SDC2: variants seen among roughly 807,000 people sequenced by gnomAD.
SDC2 encodes syndecan 2.
In SDC2, 13 loss-of-function variants were observed where a neutral mutation model predicts 22.2. The ratio of observed to expected loss-of-function variants is 0.59; its 90% CI spans 0.38 to 0.93. The LOEUF (loss-of-function observed/expected upper bound fraction) is 0.93. Ranked by LOEUF, SDC2 falls within the 40% of genes least tolerant of loss-of-function variation. The pLI, the probability that SDC2 is intolerant of heterozygous loss-of-function variation, is 0.00. For synonymous variants in SDC2, 94 were observed against 92.8 expected (o/e 1.01, Z -0.07); for missense variants, 235 against 246.8 (o/e 0.95, Z 0.32).
chr8:96,559,457 T>C (rs1213001996), intron 1 of SDC2, among the ~76,000 whole-genome samples: 1 of 152,196 alleles, frequency 6.6e-6, no homozygotes, highest in Non-Finnish European at 1.5e-5. Context: ...AGGAAATCAC[T>C]GCAGATTTCT....
At chr8:96,523,948 C>T (rs1250309191) in intron 1 of SDC2, among the ~76,000 whole-genome samples, 1 of 152,096 alleles carries the variant, frequency 6.6e-6, no homozygotes, top group Non-Finnish European at 1.5e-5. Context: ...AGGGTGGCCA[C>T]AATGGTGGTG....
intron 1 of SDC2, among the ~76,000 whole-genome samples, chr8:96,585,913 T>G (rs1814679208): frequency 6.6e-6 from 1 of 151,944 alleles, no homozygotes. Context: ...TACTGATTAT[T>G]GCGCTGAGCA....
chr8:96,500,507 T>C (rs1329178778), intron 1 of SDC2, among the ~76,000 whole-genome samples: 1 of 151,476 alleles, frequency 6.6e-6, no homozygotes, highest in African/African-American at 2.4e-5. Flanking sequence ...ACTAAAAATA[T>C]AAAAATTAGC....
chr8:96,608,242 GAA>G, intron 3 of SDC2, 91 bp from the exon 4 acceptor site: 19 of 1,234,092 alleles, frequency 1.5e-5, no homozygotes, highest in Non-Finnish European at 1.9e-5. Flanking sequence ...TTCTTTGGGG[GAA>G]AAAAAAATTT....
chr8:96,595,374 A>G (rs1367153207), intron 2 of SDC2, among the ~76,000 whole-genome samples: 1 of 152,220 alleles, frequency 6.6e-6, no homozygotes, highest in East Asian at 1.9e-4. Context: ...ATGAGCTTAC[A>G]ATGCAGTCCT....
At chr8:96,540,161 G>T (rs982879398) in intron 1 of SDC2, among the ~76,000 whole-genome samples, 1 of 147,802 alleles carries the variant, frequency 6.8e-6, no homozygotes, top group Non-Finnish European at 1.5e-5. Context: ...GGAGAAGAAA[G>T]AAAAAAAAAA....
At chr8:96,536,154 T>C (rs1446032822) in intron 1 of SDC2, among the ~76,000 whole-genome samples, 5 of 151,674 alleles carry the variant, frequency 3.3e-5, no homozygotes, top group Non-Finnish European at 7.4e-5. Context: ...TTTTTTTTTT[T>C]CCTTTTGTTT....
At chr8:96,501,728 C>A (rs753315171) in intron 1 of SDC2, among the ~76,000 whole-genome samples, 7 of 152,138 alleles carry the variant, frequency 4.6e-5, no homozygotes, top group Non-Finnish European at 1.0e-4. Flanking sequence ...CTGTCTTAAT[C>A]CCTGTGAGAC....
At chr8:96,561,272 T>C (rs1338850011) in intron 1 of SDC2, among the ~76,000 whole-genome samples, 1 of 152,146 alleles carries the variant, frequency 6.6e-6, no homozygotes, top group Non-Finnish European at 1.5e-5. Flanking sequence ...AAAAGTATAC[T>C]CAGTATATGC....
chr8:96,609,165 G>A (rs868468493), intron 4 of SDC2, among the ~76,000 whole-genome samples: 1 of 152,086 alleles, frequency 6.6e-6, no homozygotes, highest in South Asian at 2.1e-4. Flanking sequence ...GAGGTTTTTG[G>A]GTGGTATTAT....
At chr8:96,580,650 G>A in intron 1 of SDC2, 1 of 387,326 alleles carries the variant, frequency 2.6e-6, no homozygotes, top group Non-Finnish European at 3.5e-6. Flanking sequence ...CAGGGCCCAA[G>A]CAAGAGACCA....
chr8:96,606,089 A>G (rs1815074305), intron 3 of SDC2, among the ~76,000 whole-genome samples: 1 of 152,148 alleles, frequency 6.6e-6, no homozygotes, highest in South Asian at 2.1e-4. Flanking sequence ...GCTCTCAGGA[A>G]CTTAGGAAGA....
At chr8:96,598,888 A>C (rs1814927636) in intron 2 of SDC2, among the ~76,000 whole-genome samples, 1 of 151,888 alleles carries the variant, frequency 6.6e-6, no homozygotes, top group Non-Finnish European at 1.5e-5. Context: ...TTTTTAATAA[A>C]GATATTAAAA....
At chr8:96,556,048 A>C (rs1333641210) in intron 1 of SDC2, among the ~76,000 whole-genome samples, 2 of 138,108 alleles carry the variant, frequency 1.4e-5, no homozygotes, top group Non-Finnish European at 3.0e-5. Context: ...ACACACACAC[A>C]CACACACATA....
intron 1 of SDC2, among the ~76,000 whole-genome samples, chr8:96,578,208 G>A (rs544827045): frequency 6.6e-6 from 1 of 152,188 alleles, no homozygotes; most frequent in African/African-American, 2.4e-5. Context: ...AGGTGGCTTT[G>A]ATGTGTCCAG....
intron 1 of SDC2, among the ~76,000 whole-genome samples, chr8:96,534,290 C>T (rs536499493): frequency 4.6e-5 from 7 of 152,300 alleles, no homozygotes; most frequent in African/African-American, 1.4e-4. Flanking sequence ...GCCCACCTCT[C>T]GAACGTGGCC....
At chr8:96,573,886 G>A (rs924770276) in intron 1 of SDC2, among the ~76,000 whole-genome samples, 1 of 151,968 alleles carries the variant, frequency 6.6e-6, no homozygotes, top group African/African-American at 2.4e-5. Context: ...CCTCTTCTTA[G>A]TCTTATTTCA....
intron 1 of SDC2, among the ~76,000 whole-genome samples, chr8:96,568,472 G>T (rs1005975679): frequency 2.6e-5 from 4 of 152,172 alleles, no homozygotes; most frequent in African/African-American, 9.7e-5. Context: ...GTCTGTATTT[G>T]CCAGACAGGC....
chr8:96,543,796 A>G (rs765263077), intron 1 of SDC2, among the ~76,000 whole-genome samples: 4 of 152,200 alleles, frequency 2.6e-5, no homozygotes, highest in Non-Finnish European at 5.9e-5. Flanking sequence ...TGTGTATATG[A>G]GTGTGTATTA....
Sources: gnomAD v4.1 joint callset for allele counts (sites outside exome capture counted in the v4.1 genomes callset) on GRCh38, gnomAD v4.1.1 for gene constraint, MANE v1.5 for transcripts, NCBI Gene and HGNC (gene_info 2026-07-23, HGNC 2026-07-21) for gene names.